The following ACTL8 variants were observed in gnomAD, a reference collection of about 807,000 sequenced individuals.
ACTL8 encodes the protein actin like 8.
Under a neutral mutation model 9.3 loss-of-function variants are expected in ACTL8, and 3 were observed. That is an observed-to-expected ratio of 0.32 (90% CI 0.15 to 0.83). The LOEUF is 0.83. ACTL8 is among the 40% of genes least tolerant of loss of function. ACTL8 has a pLI of 0.57. For missense variants in ACTL8, 381 were observed against 492.2 expected (o/e 0.77, Z 2.14); for synonymous variants, 224 against 205.9 (o/e 1.09, Z -0.75).
chr1:17,763,033 G>A (rs2066018515), intron 1 of ACTL8, among the ~76,000 whole-genome samples: 1 of 152,134 alleles, frequency 6.6e-6, no homozygotes, highest in Admixed American at 6.5e-5. Flanking sequence ...CCTTGCCGTG[G>A]CAAGTTGATG....
chr1:17,801,295 G>A (rs1186556156), intron 1 of ACTL8, among the ~76,000 whole-genome samples: 1 of 152,234 alleles, frequency 6.6e-6, no homozygotes, highest in Non-Finnish European at 1.5e-5. Context: ...TCTAGCATTT[G>A]CAATACTGGG....
At chr1:17,761,557 A>G (rs1237646130) in intron 1 of ACTL8, among the ~76,000 whole-genome samples, 5 of 150,588 alleles carry the variant, frequency 3.3e-5, no homozygotes, top group African/African-American at 7.3e-5. Flanking sequence ...GCTTTTGGGT[A>G]TGTGGGCCCA....
intron 1 of ACTL8, among the ~76,000 whole-genome samples, chr1:17,766,903 C>G (rs1002758591): frequency 1.3e-5 from 2 of 152,184 alleles, no homozygotes; most frequent in Admixed American, 6.5e-5. Context: ...TATGTACTGA[C>G]CATTGTTCTA....
At chr1:17,809,112 C>CT (rs1195319270) in intron 1 of ACTL8, among the ~76,000 whole-genome samples, 1 of 152,100 alleles carries the variant, frequency 6.6e-6, no homozygotes, top group Non-Finnish European at 1.5e-5. Flanking sequence ...TCAACACAAA[C>CT]TGATTTAACA....
intron 1 of ACTL8, among the ~76,000 whole-genome samples, chr1:17,797,870 T>C (rs950982592): frequency 5.3e-5 from 8 of 152,158 alleles, no homozygotes; most frequent in Non-Finnish European, 8.8e-5. Context: ...CGGGAGCCAA[T>C]GTTCCTGGCA....
chr1:17,770,506 C>T (rs2066075724), intron 1 of ACTL8, among the ~76,000 whole-genome samples: 1 of 152,198 alleles, frequency 6.6e-6, no homozygotes, highest in African/African-American at 2.4e-5. Context: ...CCTTAGTCCC[C>T]AGTCTGGAGG....
rs757837876 is a variant in ACTL8, at chr1:17,823,059, T to G, written c.51T>G (p.Ala17=). The part of the protein sequence containing the change: ...IIDHGSGFLK[A]GTAGWNEPQM... ...ACCACGGGTCTGGCTTTTTGAAGGC[T>G]GGCACGGCCGGCTGGAATGAGCCTC... The change falls in exon 2 of 3, where the codon GCT becomes GCG. Residue 17 remains alanine, a synonymous_variant. Transcript: ENST00000375406. This position sits in a 1 kb window ranked among gnomAD's most constrained non-coding sequence, Gnocchi z 5.3. 3 of 1,614,204 alleles carry G rather than the reference T, an allele frequency of 1.9e-6. No individual in the cohort carries two copies. In the South Asian group the frequency reaches 3.3e-5, roughly 18 times the overall value.
chr1:17,788,246 T>A (rs2066212364), intron 1 of ACTL8, among the ~76,000 whole-genome samples: 1 of 152,112 alleles, frequency 6.6e-6, no homozygotes, highest in Admixed American at 6.5e-5. Flanking sequence ...TTAGTCAGTT[T>A]AAAAAAAATC....
At chr1:17,763,851 G>C (rs1397507001) in intron 1 of ACTL8, among the ~76,000 whole-genome samples, 1 of 152,174 alleles carries the variant, frequency 6.6e-6, no homozygotes, top group Non-Finnish European at 1.5e-5. Context: ...CGGGAAACAG[G>C]GGTTGGCCCT....
chr1:17,786,167 G>A (rs1359784431), intron 1 of ACTL8, among the ~76,000 whole-genome samples: 1 of 152,220 alleles, frequency 6.6e-6, no homozygotes, highest in Non-Finnish European at 1.5e-5. Flanking sequence ...GGTGGACAGG[G>A]TGTCTCTCTC....
chr1:17,823,432 A>T lies in ACTL8; in HGVS notation c.348+76A>T, dbSNP rs1313956381. 2 of 1,391,834 alleles carry T rather than the reference A, an allele frequency of 1.4e-6. No individual in the cohort carries two copies. Among genetic ancestry groups the T allele is most frequent in the African/African-American group, 2.9e-5 (2 of 69,272 alleles). The allele number at this position is 1,391,834 out of a possible 1,614,324, so 86.2% of individuals were successfully genotyped here. A position where few individuals can be genotyped will look rare whatever the true frequency, so the allele number is the denominator to read the frequency against. The stretch of plus-strand genomic sequence containing the variant: ...ACTATGTCTGGACTGATTGGGCACC[A>T]GGAATTCTGCTTTTTAAGATAAATT... On this transcript the variant is annotated intron_variant, in intron 2 of 2. Transcript: ENST00000375406. The surrounding 1 kb of genome is among the most constrained non-coding windows in gnomAD (Gnocchi z 5.3).
At chr1:17,806,105 C>T (rs560516) in intron 1 of ACTL8, among the ~76,000 whole-genome samples, 8,962 of 152,274 alleles carry the variant, frequency 0.059, 425 homozygotes, top group Admixed American at 0.13. Context: ...CCTGTTTACA[C>T]AGCCGGGATG....
intron 1 of ACTL8, among the ~76,000 whole-genome samples, chr1:17,785,015 CT>C (rs1370503386): frequency 1.3e-5 from 2 of 152,182 alleles, no homozygotes; most frequent in Non-Finnish European, 2.9e-5. Context: ...TAGAACTCCT[CT>C]TTCTAAAGCT....
At chr1:17,778,709 T>C (rs889212597) in intron 1 of ACTL8, among the ~76,000 whole-genome samples, 8 of 152,158 alleles carry the variant, frequency 5.3e-5, no homozygotes, top group African/African-American at 1.4e-4. Flanking sequence ...GAGGACTGAC[T>C]AGAGATCTAA....
chr1:17,783,020 A>G (rs185130485), intron 1 of ACTL8, among the ~76,000 whole-genome samples: 1 of 152,208 alleles, frequency 6.6e-6, no homozygotes, highest in African/African-American at 2.4e-5. Context: ...CCAGCTGCTG[A>G]TTGGGCAAAT....
At chr1:17,809,921 C>G (rs1441198779) in intron 1 of ACTL8, among the ~76,000 whole-genome samples, 1 of 152,170 alleles carries the variant, frequency 6.6e-6, no homozygotes, top group Non-Finnish European at 1.5e-5. Context: ...TTATCTTCCA[C>G]AAAACCAGTC....
In ACTL8 at chr1:17,822,529, C is replaced by T. The variant is rs552950131; in HGVS notation, c.-24-456C>T. Reference sequence around the variant, plus strand: ...CCTGCTTCTGCTGCTGTTGCTATGACATTGTTATTACTGAAGGTGGTGGCT... The same window carrying T: ...CCTGCTTCTGCTGCTGTTGCTATGATATTGTTATTACTGAAGGTGGTGGCT... On this transcript the variant is annotated intron_variant, in intron 1 of 2. Coordinates refer to ENST00000375406, the MANE Select transcript of ACTL8 (RefSeq NM_030812.3). Among the ~76,000 whole-genome samples, 3 of 152,294 alleles carry T rather than the reference C, an allele frequency of 2.0e-5. No homozygotes were observed. In the East Asian group the frequency reaches 5.8e-4, roughly 29 times the overall value.
chr1:17,796,047 G>A (rs1252874091), intron 1 of ACTL8, among the ~76,000 whole-genome samples: 3 of 152,132 alleles, frequency 2.0e-5, no homozygotes, highest in Admixed American at 6.6e-5. Context: ...CTGGTGGCTC[G>A]CTCTGCTCAG....
At chr1:17,779,948 T>C (rs554955152) in intron 1 of ACTL8, among the ~76,000 whole-genome samples, 10 of 152,254 alleles carry the variant, frequency 6.6e-5, no homozygotes, top group African/African-American at 2.4e-4. Context: ...GGCTCATACA[T>C]GTAATCCCAG....
Sources: allele counts gnomAD v4.1 joint callset (sites outside exome capture counted in the v4.1 genomes callset), GRCh38; gene constraint gnomAD v4.1.1; non-coding constraint Gnocchi (gnomAD v3.1); transcripts MANE v1.5; gene names NCBI Gene and HGNC (gene_info 2026-07-23, HGNC 2026-07-21).